DBX2: variants seen among roughly 807,000 people sequenced by gnomAD.
DBX2 encodes the protein developing brain homeobox 2, also known as homeobox protein DBX2.
A neutral mutation model predicts 17.7 loss-of-function variants in DBX2; 16 were observed. The observed-to-expected ratio is 0.90, with a 90% CI of 0.61 to 1.37. The LOEUF (loss-of-function observed/expected upper bound fraction) is 1.37, where lower values mean the gene tolerates loss of function less well. Among genes scored for constraint, DBX2 ranks in the 40% most tolerant of loss-of-function variants. DBX2 has a pLI of 0.00. For missense variants in DBX2, 538 were observed against 433.8 expected (o/e 1.24, Z -2.13); for synonymous variants, 255 against 183.8 (o/e 1.39, Z -3.13).
At chr12:45,020,440 T>A (rs531551842) in intron 3 of DBX2, among the ~76,000 whole-genome samples, 1 of 151,982 alleles carries the variant, frequency 6.6e-6, no homozygotes, top group Non-Finnish European at 1.5e-5. Flanking sequence ...ACACACTGAG[T>A]AATACTACTT....
chr12:45,033,863 C>T (rs1946421881), intron 2 of DBX2, among the ~76,000 whole-genome samples: 1 of 151,984 alleles, frequency 6.6e-6, no homozygotes, highest in Admixed American at 6.6e-5. Context: ...CAGGGATAAA[C>T]ACTATAATTT....
intron 2 of DBX2, among the ~76,000 whole-genome samples, chr12:45,034,675 T>C (rs544986330): frequency 6.6e-6 from 1 of 152,302 alleles, no homozygotes; most frequent in South Asian, 2.1e-4. Context: ...CCTTTTCAGG[T>C]AGACAGGGTT....
chr12:45,020,667 A>G (rs908309269), intron 3 of DBX2, among the ~76,000 whole-genome samples: 6 of 88,252 alleles, frequency 6.8e-5, no homozygotes, highest in South Asian at 7.2e-4. Context: ...ATGTATATGT[A>G]TATATATGTA....
intron 2 of DBX2, among the ~76,000 whole-genome samples, chr12:45,029,065 A>T (rs1677820954): frequency 6.6e-6 from 1 of 152,328 alleles, no homozygotes; most frequent in Non-Finnish European, 1.5e-5. Context: ...AAACATACAT[A>T]TAAGCACCTA....
chr12:45,047,245 G>A (rs1946505162), intron 1 of DBX2, among the ~76,000 whole-genome samples: 1 of 151,968 alleles, frequency 6.6e-6, no homozygotes, highest in African/African-American at 2.4e-5. Flanking sequence ...ACAAATAATG[G>A]CATCAGGAAA....
At chr12:45,050,203 C>T (rs1222353618) in intron 1 of DBX2, among the ~76,000 whole-genome samples, 1 of 152,172 alleles carries the variant, frequency 6.6e-6, no homozygotes, top group Non-Finnish European at 1.5e-5. Flanking sequence ...TGAGACTGAT[C>T]CAGGCAGGCC....
At position 45,050,969 on chromosome 12, in the gene DBX2, C is replaced by T; in HGVS notation, c.-42G>A. On this transcript the variant is annotated 5_prime_UTR_variant, in exon 1 of 4. Transcript: ENST00000332700. ...GTCTGCTGCGCGCCCGCCTTGCGCC[C>T]GCCTGTCGCCCGGGCGCCCCGCACC... 1 of 1,367,528 alleles carries T rather than the reference C, an allele frequency of 7.3e-7. No homozygotes were observed. Among genetic ancestry groups the T allele is most frequent in the East Asian group, 3.1e-5 (1 of 31,928 alleles). The allele number at this position is 1,367,528 out of a possible 1,614,324, so 84.7% of individuals were successfully genotyped here. A position where few individuals can be genotyped will look rare whatever the true frequency, so the allele number is the denominator to read the frequency against.
In DBX2 at chr12:45,050,629, C is replaced by A. The variant is rs750113512; in HGVS notation, c.299G>T (p.Gly100Val). The change falls in exon 1 of 4, where the codon GGA becomes GTA. Residue 100 changes from glycine (G) to valine (V), a missense_variant. By Grantham distance (109) the Gly-to-Val change is moderately radical. Coordinates refer to ENST00000332700, the MANE Select transcript of DBX2 (RefSeq NM_001004329.3). The part of the protein sequence containing the change: ...EQVSPAGAPY[G>V]TRWAFQVLSP... ...GAGCACTTGAAAAGCCCACCGCGTT[C>A]CGTAGGGCGCCCCGGCGGGGCTAAC... 1 of 1,550,188 alleles carries A rather than the reference C, an allele frequency of 6.5e-7. No homozygotes were observed. The highest frequency in any genetic ancestry group is 8.7e-7 in the Non-Finnish European group (1 of 1,147,080).
chr12:45,037,653 G>A (rs1303852828), intron 1 of DBX2, among the ~76,000 whole-genome samples: 2 of 152,138 alleles, frequency 1.3e-5, no homozygotes, highest in East Asian at 3.9e-4. Context: ...GAAGAACACA[G>A]TAATTTCAGA....
chr12:45,027,816 A>G (rs1946389252), intron 2 of DBX2, among the ~76,000 whole-genome samples: 1 of 152,236 alleles, frequency 6.6e-6, no homozygotes, highest in Admixed American at 6.5e-5. Context: ...CTTTTTGGGA[A>G]TAACCAGTCA....
At chr12:45,048,706 A>G (rs972045971) in intron 1 of DBX2, among the ~76,000 whole-genome samples, 1 of 152,188 alleles carries the variant, frequency 6.6e-6, no homozygotes, top group African/African-American at 2.4e-5. Context: ...TCTTCTTTAG[A>G]TATTTTTCTA....
At chr12:45,044,534 A>G (rs1451131649) in intron 1 of DBX2, among the ~76,000 whole-genome samples, 1 of 152,166 alleles carries the variant, frequency 6.6e-6, no homozygotes, top group Non-Finnish European at 1.5e-5. Flanking sequence ...TTGTTATGGC[A>G]TGGTCCCTGA....
intron 3 of DBX2, among the ~76,000 whole-genome samples, chr12:45,016,926 G>A (rs911164179): frequency 6.6e-6 from 1 of 152,054 alleles, no homozygotes; most frequent in Non-Finnish European, 1.5e-5. Context: ...TAGGATGACA[G>A]GCATGCACCA....
chr12:45,044,976 G>A (rs1281814746), intron 1 of DBX2, among the ~76,000 whole-genome samples: 2 of 152,006 alleles, frequency 1.3e-5, no homozygotes, highest in African/African-American at 4.8e-5. Context: ...AAACATTTTG[G>A]AATAAAATAT....
Position 45,023,867 on chromosome 12 carries a change from G to A in DBX2, c.527C>T (p.Thr176Ile), listed in dbSNP as rs767030634. 3 of 1,584,886 alleles carry A rather than the reference G, an allele frequency of 1.9e-6. No homozygotes were observed. Among genetic ancestry groups the A allele is most frequent in the Non-Finnish European group, 2.6e-6 (3 of 1,168,608 alleles). ...PREESMLPLL[T>I]QDSNSKARRG... ...CCGAGCTTTGGAATTAGAGTCCTGT[G>A]TCAGGAGAGGCAGCATGCTCTCTTC... Residue 176 changes from threonine (T) to isoleucine (I), a missense_variant, in exon 3 of 4, where the codon ACA (threonine) becomes ATA (isoleucine). By Grantham distance (89) the Thr-to-Ile change is moderately conservative. Transcript: ENST00000332700.
intron 2 of DBX2, among the ~76,000 whole-genome samples, chr12:45,025,528 A>G (rs1437775092): frequency 6.6e-6 from 1 of 151,922 alleles, no homozygotes; most frequent in Non-Finnish European, 1.5e-5. Context: ...TACACTGGGT[A>G]TCAGGCTCAC....
At chr12:45,018,202 A>C (rs1423343138) in intron 3 of DBX2, among the ~76,000 whole-genome samples, 2 of 152,196 alleles carry the variant, frequency 1.3e-5, no homozygotes, top group Non-Finnish European at 2.9e-5. Flanking sequence ...AAGCATGCCA[A>C]GTATTTCTAA....
Position 45,050,830 on chromosome 12 carries a change from T to C in DBX2, c.98A>G (p.Asn33Ser). 1 of 1,538,768 alleles carries C rather than the reference T, an allele frequency of 6.5e-7. No homozygotes were observed. Among genetic ancestry groups the C allele is most frequent in the Non-Finnish European group, 8.7e-7 (1 of 1,145,264 alleles). The change falls in exon 1 of 4, where the codon AAC becomes AGC. Residue 33 changes from asparagine to serine, a missense_variant. Coordinates refer to ENST00000332700, the MANE Select transcript of DBX2 (RefSeq NM_001004329.3). ...LNLPAAPGFG[N>S]LGKSFLIENL... ...CTCGATCAGGAAACTCTTGCCCAGG[T>C]TGCCAAAGCCGGGCGCAGCGGGGAG...
intron 2 of DBX2, among the ~76,000 whole-genome samples, chr12:45,035,204 A>G (rs1375543675): frequency 1.3e-5 from 2 of 152,126 alleles, no homozygotes; most frequent in African/African-American, 4.8e-5. Context: ...GCCTGACTCA[A>G]CTCTTAATTT....
Sources: gnomAD v4.1 joint callset for allele counts (sites outside exome capture counted in the v4.1 genomes callset) on GRCh38, gnomAD v4.1.1 for gene constraint, MANE v1.5 for transcripts, NCBI Gene and HGNC (gene_info 2026-07-23, HGNC 2026-07-21) for gene names.